Variants in RPS6KA5 observed in about 807,000 individuals in gnomAD.
RPS6KA5 encodes ribosomal protein S6 kinase alpha-5.
RPS6KA5 carries 27 observed loss-of-function variants against 85.5 expected under a neutral mutation model. That is an observed-to-expected ratio of 0.32 (90% CI 0.23 to 0.44). RPS6KA5 has a LOEUF of 0.44. Among genes scored for constraint, RPS6KA5 ranks in the 20% least tolerant of loss-of-function variants. The pLI, the probability that RPS6KA5 is intolerant of heterozygous loss-of-function variation, is 1.00. For missense variants in RPS6KA5, 811 were observed against 980.9 expected (o/e 0.83, Z 2.31); for synonymous variants, 334 against 348.2 (o/e 0.96, Z 0.46).
chr14:91,060,594 G>C lies in RPS6KA5; in HGVS notation c.-160C>G, dbSNP rs1412055527. On this transcript the variant is annotated 5_prime_UTR_variant, in exon 1 of 17. Coordinates refer to ENST00000614987, the MANE Select transcript of RPS6KA5 (RefSeq NM_004755.4). ...AGTCTCTTTCCCGCTCTGGCCGCAC[G>C]GCTCGCTCCTCGCCTCCTCCCCCTT... 3.0e-6 allele frequency: 3 copies of C among 1,007,162 alleles called. No homozygotes were observed. The highest frequency in any genetic ancestry group is 3.3e-5 in the East Asian group (1 of 29,976). The allele number at this position is 1,007,162 out of a possible 1,614,324, so 62.4% of individuals were successfully genotyped here. A position where few individuals can be genotyped will look rare whatever the true frequency, so the allele number is the denominator to read the frequency against.
In RPS6KA5 at chr14:90,860,303, G is replaced by A. The variant is rs962762162; in HGVS notation, c.*11771C>T. On this transcript the variant is annotated 3_prime_UTR_variant, in exon 17 of 17. Coordinates refer to ENST00000614987, the MANE Select transcript of RPS6KA5 (RefSeq NM_004755.4). Reference sequence around the variant, plus strand: ...AATCCCAGCACTTTGGGAGGCCGAGGTGGGCAGATCACTTGAGGTCAGGAG... The same window carrying A: ...AATCCCAGCACTTTGGGAGGCCGAGATGGGCAGATCACTTGAGGTCAGGAG... The A allele has an allele frequency of 4.6e-5, 7 of 152,382 alleles. No homozygotes were observed. Among genetic ancestry groups the A allele is most frequent in the Non-Finnish European group, 7.3e-5 (5 of 68,092 alleles). 9.4% of individuals were successfully genotyped at this position (152,382 alleles called of 1,614,324 possible).
intron 7 of RPS6KA5, among the ~76,000 whole-genome samples, chr14:90,914,309 G>GGT (rs568470589): frequency 0.033 from 2,732 of 81,676 alleles, 89 homozygotes; most frequent in African/African-American, 0.056. Flanking sequence ...GATCCCTAGG[G>GGT]TTTTTTTTTT....
At chr14:90,995,249 T>G (rs975936650) in intron 2 of RPS6KA5, among the ~76,000 whole-genome samples, 5 of 152,182 alleles carry the variant, frequency 3.3e-5, no homozygotes, top group Non-Finnish European at 7.3e-5. Flanking sequence ...CCTCCCAAAG[T>G]GCTGTGATTA....
chr14:90,973,180 C>T (rs1257777583), intron 3 of RPS6KA5, among the ~76,000 whole-genome samples: 2 of 152,220 alleles, frequency 1.3e-5, no homozygotes, highest in African/African-American at 4.8e-5. Context: ...GTGGCCCATG[C>T]CTGTCATCCC....
chr14:90,908,425 G>A (rs979614638), intron 7 of RPS6KA5, among the ~76,000 whole-genome samples: 1 of 152,208 alleles, frequency 6.6e-6, no homozygotes, highest in Non-Finnish European at 1.5e-5. Context: ...GCCAGAAGCA[G>A]CAGCAGGAGA....
chr14:90,943,032 T>C (rs2037657693), intron 5 of RPS6KA5, 46 bp downstream of exon 5: 1 of 1,085,124 alleles, frequency 9.2e-7, no homozygotes, highest in Non-Finnish European at 1.4e-6. Flanking sequence ...GTTTTCATCC[T>C]TGTTTACATG....
intron 3 of RPS6KA5, among the ~76,000 whole-genome samples, chr14:90,954,495 C>T (rs1001688203): frequency 4.6e-5 from 7 of 152,196 alleles, no homozygotes; most frequent in African/African-American, 1.4e-4. Flanking sequence ...CTCCCTGAAA[C>T]CTCCGCCTCC....
At chr14:90,926,931 A>G (rs890206970) in intron 5 of RPS6KA5, among the ~76,000 whole-genome samples, 1 of 152,312 alleles carries the variant, frequency 6.6e-6, no homozygotes, top group African/African-American at 2.4e-5. Context: ...AAGTAAATAT[A>G]AACAAGCACT....
chr14:91,040,371 G>A (rs2042561404), intron 1 of RPS6KA5, among the ~76,000 whole-genome samples: 1 of 152,194 alleles, frequency 6.6e-6, no homozygotes, highest in South Asian at 2.1e-4. Context: ...TCATGCCACT[G>A]CACTCCAGCC....
chr14:90,966,260 T>C (rs2039056415), intron 3 of RPS6KA5, among the ~76,000 whole-genome samples: 1 of 152,192 alleles, frequency 6.6e-6, no homozygotes, highest in African/African-American at 2.4e-5. Flanking sequence ...AAAATGATGT[T>C]TAACTATCAT....
At chr14:90,951,988 C>T (rs952891544) in intron 3 of RPS6KA5, among the ~76,000 whole-genome samples, 4 of 152,096 alleles carry the variant, frequency 2.6e-5, no homozygotes, top group Non-Finnish European at 5.9e-5. Flanking sequence ...TGCCAATACC[C>T]CTTTATGGGA....
chr14:90,888,048 A>G (rs1012697017), intron 14 of RPS6KA5, among the ~76,000 whole-genome samples: 5 of 150,318 alleles, frequency 3.3e-5, no homozygotes, highest in East Asian at 1.9e-4. Flanking sequence ...CTTTTCATCT[A>G]TAAGTTCTCA....
At chr14:91,023,833 C>G (rs1392211346) in intron 1 of RPS6KA5, among the ~76,000 whole-genome samples, 2 of 152,122 alleles carry the variant, frequency 1.3e-5, no homozygotes, top group Non-Finnish European at 2.9e-5. Context: ...AACAATATCA[C>G]TCAATATTGA....
At position 90,952,682 on chromosome 14, in the gene RPS6KA5, C is replaced by T. The variant is rs577772706; in HGVS notation, c.395-5132G>A. Among the ~76,000 whole-genome samples the T allele has an allele frequency of 2.3e-3, 357 of 152,332 alleles. 1 individual carries two copies. Among genetic ancestry groups the T allele is most frequent in the African/African-American group, 8.3e-3 (346 of 41,568 alleles). ...GGATCGGCTAATGAGTCTCAAACAT[C>T]GCATGCAAATGCAGTGCGATTGGAA... On this transcript the variant is annotated intron_variant, in intron 3 of 16. Coordinates refer to ENST00000614987, the MANE Select transcript of RPS6KA5 (RefSeq NM_004755.4).
At chr14:90,872,721 A>G (rs748941377) in intron 16 of RPS6KA5, among the ~76,000 whole-genome samples, 1 of 152,192 alleles carries the variant, frequency 6.6e-6, no homozygotes, top group African/African-American at 2.4e-5. Flanking sequence ...ATGCAAGCAG[A>G]CTTGACGCAT....
intron 1 of RPS6KA5, among the ~76,000 whole-genome samples, chr14:91,020,595 T>C (rs903353053): frequency 4.9e-5 from 7 of 141,876 alleles, no homozygotes; most frequent in Non-Finnish European, 9.3e-5. Flanking sequence ...TATATGTGTA[T>C]GTGTATGTAT....
chr14:91,037,965 G>A (rs1364732632), intron 1 of RPS6KA5, among the ~76,000 whole-genome samples: 2 of 152,190 alleles, frequency 1.3e-5, no homozygotes, highest in Non-Finnish European at 2.9e-5. Context: ...TCCCTGATTA[G>A]GCTATGCTGA....
chr14:91,007,328 G>C (rs1456668993), intron 1 of RPS6KA5, among the ~76,000 whole-genome samples: 1 of 152,106 alleles, frequency 6.6e-6, no homozygotes, highest in Non-Finnish European at 1.5e-5. Flanking sequence ...TAATCAACTG[G>C]TACACAGGAG....
chr14:90,954,678 T>C (rs1379610464), intron 3 of RPS6KA5, among the ~76,000 whole-genome samples: 1 of 152,210 alleles, frequency 6.6e-6, no homozygotes, highest in Non-Finnish European at 1.5e-5. Context: ...CCTCCCCAAG[T>C]GCTGGGATTG....
Sources: allele counts gnomAD v4.1 joint callset (sites outside exome capture counted in the v4.1 genomes callset), GRCh38; gene constraint gnomAD v4.1.1; transcripts MANE v1.5; gene names NCBI Gene and HGNC (gene_info 2026-07-23, HGNC 2026-07-21).